UBR2: variants seen among roughly 807,000 people sequenced by gnomAD.
The protein encoded by UBR2 is ubiquitin protein ligase E3 component n-recognin 2, also known as E3 ubiquitin-protein ligase UBR2.
Under a neutral mutation model 247.9 loss-of-function variants are expected in UBR2, and 92 were observed. That is an observed-to-expected ratio of 0.37 (90% CI 0.31 to 0.44). UBR2 has a LOEUF of 0.44. Ranked by LOEUF, UBR2 falls within the 20% of genes least tolerant of loss-of-function variation. The pLI, the probability that UBR2 is intolerant of heterozygous loss-of-function variation, is 1.00. For missense variants in UBR2, 1,613 were observed against 2,112.6 expected (o/e 0.76, Z 4.64); for synonymous variants, 672 against 693.5 (o/e 0.97, Z 0.49).
Position 42,565,940 on chromosome 6 carries a change from A to G in UBR2, c.78+1543A>G, listed in dbSNP as rs182242004. On this transcript the variant is annotated intron_variant, in intron 1 of 46. Coordinates refer to ENST00000372901, the MANE Select transcript of UBR2 (RefSeq NM_001363705.2). ...CTTTCTACTTAATGTTGTACAACTC[A>G]AGGAATTTCTGCCTTTCGTTTATCG... is the stretch of plus-strand genomic sequence containing the variant. 1.9e-3 allele frequency among the ~76,000 whole-genome samples: 287 copies of G among 152,248 alleles called. 3 individuals are homozygous for G. Among genetic ancestry groups the G allele is most frequent in the Middle Eastern group, 6.8e-3 (2 of 294 alleles).
chr6:42,624,728 G>A (rs1030721335), intron 11 of UBR2, among the ~76,000 whole-genome samples: 1 of 152,002 alleles, frequency 6.6e-6, no homozygotes, highest in Non-Finnish European at 1.5e-5. Flanking sequence ...TGTGGCTGAG[G>A]GTCAAAGGAC....
chr6:42,624,114 G>A (rs1011159188), intron 11 of UBR2, among the ~76,000 whole-genome samples: 6 of 150,720 alleles, frequency 4.0e-5, no homozygotes, highest in African/African-American at 1.5e-4. Flanking sequence ...GATAGGTATT[G>A]CTCTTTTTTT....
intron 38 of UBR2, among the ~76,000 whole-genome samples, chr6:42,674,773 C>T (rs1317422547): frequency 1.3e-5 from 2 of 150,942 alleles, no homozygotes; most frequent in Admixed American, 1.3e-4. Context: ...AAAAAAAAAA[C>T]AGCAACAGAA....
At chr6:42,598,368 T>C (rs1007621753) in intron 4 of UBR2, among the ~76,000 whole-genome samples, 1 of 152,186 alleles carries the variant, frequency 6.6e-6, no homozygotes, top group Non-Finnish European at 1.5e-5. Context: ...ACAAACAAAA[T>C]TGAGTAGTTG....
At position 42,692,220 on chromosome 6, in the gene UBR2, T is replaced by G. The variant is rs1316267532; in HGVS notation, c.*1047T>G. ...GACAGTGATATTCTCTTGTTATTTCTAAGGCTAAATTGGCAGAGTATATCA... is the reference window on the plus strand; with the variant it reads ...GACAGTGATATTCTCTTGTTATTTCGAAGGCTAAATTGGCAGAGTATATCA... On this transcript the variant is annotated 3_prime_UTR_variant, in exon 47 of 47. Transcript: ENST00000372901. The G allele has an allele frequency of 6.6e-6, 1 of 152,190 alleles. No homozygotes were observed. The highest frequency in any genetic ancestry group is 2.4e-5 in the African/African-American group (1 of 41,452). 9.4% of individuals were successfully genotyped at this position (152,190 alleles called of 1,614,324 possible).
At chr6:42,669,794 G>A (rs1050047087) in intron 34 of UBR2, among the ~76,000 whole-genome samples, 1 of 152,120 alleles carries the variant, frequency 6.6e-6, no homozygotes, top group Admixed American at 6.6e-5. Flanking sequence ...CTGTGGAAGT[G>A]GGTATACATT....
chr6:42,604,039 T>A (rs1023718323), intron 5 of UBR2, among the ~76,000 whole-genome samples: 4 of 152,226 alleles, frequency 2.6e-5, no homozygotes, highest in Non-Finnish European at 5.9e-5. Context: ...TTTGTTTTGT[T>A]TATTATATGT....
intron 40 of UBR2, among the ~76,000 whole-genome samples, chr6:42,677,691 A>G (rs1159781098): frequency 6.6e-6 from 1 of 152,180 alleles, no homozygotes; most frequent in African/African-American, 2.4e-5. Context: ...AGGTAGTCAG[A>G]TCACCCAGGC....
Position 42,689,044 on chromosome 6 carries a change from GAGAACATTCTACTC to G in UBR2, c.5025-514_5025-501del, listed in dbSNP as rs1295423272. On this transcript the variant is annotated intron_variant, in intron 45 of 46. Transcript: ENST00000372901. This position sits in a 1 kb window ranked among gnomAD's most constrained non-coding sequence, Gnocchi z 4.0. Reference sequence around the variant, plus strand: ...TCTGAGTAAAGACCTAAAGAAGTGGGAGAACATTCTACTCAGAACATTCTGCACAGTTCCTGGGG... The same window carrying G: ...TCTGAGTAAAGACCTAAAGAAGTGGGAGAACATTCTGCACAGTTCCTGGGG... Among the ~76,000 whole-genome samples the G allele has an allele frequency of 1.3e-5, 2 of 152,238 alleles. No homozygotes were observed. Among genetic ancestry groups the G allele is most frequent in the African/African-American group, 4.8e-5 (2 of 41,466 alleles).
intron 9 of UBR2, among the ~76,000 whole-genome samples, chr6:42,615,493 G>T (rs577279516): frequency 6.6e-6 from 1 of 152,160 alleles, no homozygotes; most frequent in South Asian, 2.1e-4. Context: ...TGTTGCCCAG[G>T]CAACAGGAGT....
chr6:42,678,306 A>G (rs1037185333), intron 40 of UBR2, among the ~76,000 whole-genome samples: 38 of 152,378 alleles, frequency 2.5e-4, no homozygotes, highest in African/African-American at 8.2e-4. Context: ...ACTGCACTCC[A>G]GCCTGGGCGA....
Position 42,678,679 on chromosome 6 carries a change from A to G in UBR2, c.4609+10A>G, listed in dbSNP as rs200005770. On this transcript the variant is annotated intron_variant, in intron 41 of 46. Transcript: ENST00000372901. ...CCACCCGACATTCAAGGTAATTTAT[A>G]CTTTCTTTCAAAACGTAGGGAGAGT... is the stretch of plus-strand genomic sequence containing the variant. 7.2e-5 allele frequency: 116 copies of G among 1,604,924 alleles called. No individual in the cohort carries two copies. The highest frequency in any genetic ancestry group is 8.6e-5 in the Non-Finnish European group (101 of 1,177,268).
chr6:42,613,450 G>A lies in UBR2; in HGVS notation c.985+1159G>A, dbSNP rs114901315. Among the ~76,000 whole-genome samples the A allele has an allele frequency of 7.8e-3, 1,187 of 152,252 alleles. 11 individuals carry two copies. Among genetic ancestry groups the A allele is most frequent in the African/African-American group, 0.026 (1,077 of 41,526 alleles). Reference sequence around the variant, plus strand: ...AAAAGTTATCTTTCCAGGCTGACACGGTGGCCCACTCCTCTAGTCATAACA... The same window carrying A: ...AAAAGTTATCTTTCCAGGCTGACACAGTGGCCCACTCCTCTAGTCATAACA... On this transcript the variant is annotated intron_variant, in intron 8 of 46. Transcript: ENST00000372901.
intron 17 of UBR2, 118 bp from the exon 18 acceptor site, chr6:42,642,298 A>C (rs1350914673): frequency 2.9e-6 from 2 of 683,944 alleles, no homozygotes; most frequent in Non-Finnish European, 5.1e-6. Context: ...TAATTGTTAG[A>C]GAAACCACAT....
At chr6:42,566,686 C>G (rs1043819011) in intron 1 of UBR2, among the ~76,000 whole-genome samples, 2 of 152,074 alleles carry the variant, frequency 1.3e-5, no homozygotes, top group African/African-American at 4.8e-5. Context: ...CCGCACACAG[C>G]CTACCCTGTT....
At chr6:42,647,783 T>C (rs1796865240) in intron 21 of UBR2, among the ~76,000 whole-genome samples, 1 of 152,190 alleles carries the variant, frequency 6.6e-6, no homozygotes, top group South Asian at 2.1e-4. Context: ...TACATAAACT[T>C]TTTTAAATGT....
chr6:42,670,675 A>G lies in UBR2; in HGVS notation c.4046A>G (p.Asp1349Gly). 4 of 1,609,310 alleles carry G rather than the reference A, an allele frequency of 2.5e-6. No individual in the cohort carries two copies. The highest frequency in any genetic ancestry group is 3.4e-6 in the Non-Finnish European group (4 of 1,177,294). The change falls in exon 36 of 47, where the codon GAT becomes GGT. Residue 1349 changes from aspartate to glycine, a missense_variant. Asp to Gly is a moderately conservative substitution (Grantham distance 94). Around this residue, in one of 3 missense-constraint regions of UBR2, gnomAD observed 1,524 missense variants for 1,967.3 expected, o/e 0.77. Transcript: ENST00000372901. ...TIQSIERILS[D>G]EDKPLFGPLP... The stretch of plus-strand genomic sequence containing the variant: ...TAATCTGTAGAAAGAATTTTGAGTG[A>G]TGAAGATAAACCATTGTTTGGTCCT...
At position 42,617,426 on chromosome 6, in the gene UBR2, G is replaced by A. The variant is rs1794631282; in HGVS notation, c.1200G>A (p.Gln400=). Residue 400 remains glutamine (Q), a synonymous_variant, in exon 11 of 47, where the codon CAG becomes CAA. Transcript: ENST00000372901. The stretch of plus-strand genomic sequence containing the variant: ...CTTAATAGAACTATGAGCGTTTGCA[G>A]AGTGATTATGTGACAGATGACCACG... ...VRFAKNYERL[Q]SDYVTDDHDR... The A allele has an allele frequency of 3.8e-6, 6 of 1,590,264 alleles. No individual in the cohort carries two copies. Among genetic ancestry groups the A allele is most frequent in the Non-Finnish European group, 5.1e-6 (6 of 1,167,704 alleles).
rs1403038753 is a variant in UBR2, at chr6:42,614,249, C to T, written c.986-822C>T. Among the ~76,000 whole-genome samples the T allele has an allele frequency of 1.4e-4, 19 of 131,770 alleles. 2 individuals are homozygous for T. Among genetic ancestry groups the T allele is most frequent in the Admixed American group, 2.4e-4 (3 of 12,680 alleles). 86.4% of individuals were successfully genotyped at this position (131,770 alleles called of 152,430 possible). A position where few individuals can be genotyped will look rare whatever the true frequency, so the allele number is the denominator to read the frequency against. ...ACACACACACACACACACACACGCGCGCACATATATATACACACACACGTA... is the reference window on the plus strand; with the variant it reads ...ACACACACACACACACACACACGCGTGCACATATATATACACACACACGTA... On this transcript the variant is annotated intron_variant, in intron 8 of 46. Transcript: ENST00000372901.
Sources: gnomAD v4.1 joint callset for allele counts (sites outside exome capture counted in the v4.1 genomes callset) on GRCh38, gnomAD v4.1.1 for gene constraint, gnomAD v4.1.1 regional missense constraint, Gnocchi (gnomAD v3.1) non-coding constraint, MANE v1.5 for transcripts, NCBI Gene and HGNC (gene_info 2026-07-23, HGNC 2026-07-21) for gene names.